Variants in MACF1 observed in about 807,000 individuals in gnomAD.
MACF1 encodes microtubule actin crosslinking factor 1.
Under a neutral mutation model 854.8 loss-of-function variants are expected in MACF1, and 193 were observed. The ratio of observed to expected loss-of-function variants is 0.23; its 90% CI spans 0.20 to 0.25. The LOEUF is 0.25. Among genes scored for constraint, MACF1 ranks in the 10% least tolerant of loss-of-function variants. The pLI is 1.00. For missense variants in MACF1, 7,722 were observed against 8,929.1 expected, an observed-to-expected ratio of 0.86 and a Z score of 5.45; for synonymous variants, 3,185 against 3,226.7, an observed-to-expected ratio of 0.99 and a Z score of 0.44.
Position 39,485,700 on chromosome 1 carries a change from A to G in MACF1, c.22574A>G (p.Asn7525Ser). ...SESSAAGGQG[N>S]SRRGLNKPSK... is the part of the protein sequence containing the mutation. The stretch of plus-strand genomic sequence containing the variant: ...AGCAGCGCTGCAGGGGGCCAAGGCA[A>G]CTCCAGGAGAGGGCTAAACAAACCT... The change falls in exon 101 of 101, where the codon AAC becomes AGC. Residue 7525 changes from asparagine (N) to serine (S), a missense_variant. Transcript: ENST00000564288. 1 of 1,613,900 alleles carries G rather than the reference A, an allele frequency of 6.2e-7. No individual in the cohort carries two copies. The highest frequency in any genetic ancestry group is 1.1e-5 in the South Asian group (1 of 91,066).
In MACF1 at chr1:39,422,832, C is replaced by G; in HGVS notation, c.16081C>G (p.Leu5361Val). Residue 5361 changes from leucine to valine, a missense_variant, in exon 60 of 101, where the codon CTC (leucine) becomes GTC (valine). By Grantham distance (32) the Leu-to-Val change is conservative. Transcript: ENST00000564288. ...LLSWLADTEE[L>V]IANQKPPSAE... ...CAGCTGGTTGGCAGATACCGAGGAG[C>G]TCATAGCCAATCAGAAACCTCCATC... 6.2e-7 allele frequency: 1 copy of G among 1,614,144 alleles called. No homozygotes were observed.
intron 52 of MACF1, among the ~76,000 whole-genome samples, chr1:39,377,305 C>G (rs926624379): frequency 2.0e-5 from 3 of 152,198 alleles, no homozygotes; most frequent in Non-Finnish European, 4.4e-5. Context: ...AGCCACCGCG[C>G]CCGGCCAACT....
At chr1:39,293,101 TATA>T (rs1346345918) in intron 17 of MACF1, among the ~76,000 whole-genome samples, 1 of 152,248 alleles carries the variant, frequency 6.6e-6, no homozygotes, top group Non-Finnish European at 1.5e-5. Context: ...AACGTGTGGC[TATA>T]TGTGCTTTGA....
At chr1:39,125,025 G>A (rs1308090380) in intron 2 of MACF1, among the ~76,000 whole-genome samples, 1 of 152,166 alleles carries the variant, frequency 6.6e-6, no homozygotes, top group Non-Finnish European at 1.5e-5. Flanking sequence ...TAATTTATTT[G>A]TGACCTTGGT....
At position 39,084,561 on chromosome 1, in the gene MACF1, T is replaced by A; in HGVS notation, c.220+123T>A. ...GGCCTCTGACAAAGCAGCCATCATC[T>A]GATTTGTTATTATTATTCTTGGAAA... On this transcript the variant is annotated intron_variant, in intron 2 of 93. Transcript: ENST00000361689. This position sits in a 1 kb window ranked among gnomAD's most constrained non-coding sequence, Gnocchi z 5.2. 1 of 758,896 alleles carries A rather than the reference T, an allele frequency of 1.3e-6. No homozygotes were observed. The highest frequency in any genetic ancestry group is 2.1e-6 in the Non-Finnish European group (1 of 477,206). The allele number at this position is 758,896 out of a possible 1,614,324, so 47.0% of individuals were successfully genotyped here.
chr1:39,328,341 G>C (rs563509827), intron 36 of MACF1: 20 of 152,106 alleles, frequency 1.3e-4, no homozygotes, highest in Non-Finnish European at 2.5e-4. Flanking sequence ...TGCTTGCTGA[G>C]AACATCCGGT....
chr1:39,297,836 C>T (rs1352490007), intron 21 of MACF1, 91 bp downstream of exon 21: 1 of 1,442,236 alleles, frequency 6.9e-7, no homozygotes, highest in Admixed American at 2.0e-5. Context: ...AGCTCCAGGG[C>T]AATGGGCCAT....
intron 2 of MACF1, among the ~76,000 whole-genome samples, chr1:39,134,456 G>A (rs1030659697): frequency 6.6e-6 from 1 of 151,978 alleles, no homozygotes; most frequent in Non-Finnish European, 1.5e-5. Context: ...CTTGCTCCAG[G>A]GGTTTTCAGT....
intron 68 of MACF1, among the ~76,000 whole-genome samples, chr1:39,433,849 G>A (rs1643916635): frequency 6.6e-6 from 1 of 152,188 alleles, no homozygotes; most frequent in Non-Finnish European, 1.5e-5. Flanking sequence ...GGAGGCCAAG[G>A]TGGGCAGATT....
intron 58 of MACF1, among the ~76,000 whole-genome samples, chr1:39,388,904 G>A (rs1641912936): frequency 8.0e-6 from 1 of 125,736 alleles, no homozygotes. Flanking sequence ...TTTGAGACAG[G>A]GTCTCTCTCT....
chr1:39,157,926 T>C (rs555982421), intron 2 of MACF1, among the ~76,000 whole-genome samples: 2 of 152,210 alleles, frequency 1.3e-5, no homozygotes, highest in Non-Finnish European at 2.9e-5. Flanking sequence ...CAGGCTGGAC[T>C]TCTGTCTGTT....
At chr1:39,459,289 T>C (rs749773780) in intron 91 of MACF1, 40 bp downstream of exon 91, 1 of 1,575,352 alleles carries the variant, frequency 6.3e-7, no homozygotes, top group Non-Finnish European at 8.6e-7. Flanking sequence ...AACAAAGTGC[T>C]TTTTTCAATC....
Position 39,315,621 on chromosome 1 carries a change from C to A in MACF1, c.3379C>A (p.Arg1127Ser), listed in dbSNP as rs62623398. 1 of 1,613,992 alleles carries A rather than the reference C, an allele frequency of 6.2e-7. No individual in the cohort carries two copies. Among genetic ancestry groups the A allele is most frequent in the Non-Finnish European group, 8.5e-7 (1 of 1,180,000 alleles). ...SPSSSSVPTL[R>S]SELNLLVEKM... ...ATCTAGTTCAAGTGTCCCAACTCTG[C>A]GCTCAGAACTGAATCTGCTGGTGGA... Residue 1127 changes from arginine to serine, a missense_variant, in exon 27 of 101, where the codon CGC becomes AGC. Physicochemically the swap from Arg to Ser is moderately radical, Grantham distance 110. Coordinates refer to ENST00000564288, the MANE Select transcript of MACF1 (RefSeq NM_001394062.1).
intron 2 of MACF1, among the ~76,000 whole-genome samples, chr1:39,186,171 T>TCC: frequency 1.7e-4 from 1 of 6,060 alleles, no homozygotes; most frequent in Non-Finnish European, 1.1e-3. Flanking sequence ...ATTCTGAACA[T>TCC]CTCTCTCTCT....
chr1:39,369,956 GAA>G, intron 50 of MACF1, 72 bp from the exon 51 acceptor site: 1 of 1,374,616 alleles, frequency 7.3e-7, no homozygotes, highest in Non-Finnish European at 1.0e-6. Flanking sequence ...TGGAGTCACA[GAA>G]TGAACTACTC....
chr1:39,304,323 C>T (rs1187270109), intron 23 of MACF1: 8 of 713,096 alleles, frequency 1.1e-5, no homozygotes, highest in Non-Finnish European at 1.0e-5. Flanking sequence ...AGAATGTCAC[C>T]GTCTCTAAAT....
chr1:39,214,791 C>T (rs1315185739), intron 1 of MACF1, among the ~76,000 whole-genome samples: 1 of 152,150 alleles, frequency 6.6e-6, no homozygotes, highest in Non-Finnish European at 1.5e-5. Context: ...ATTATAGTCT[C>T]TCCCATCATG....
chr1:39,462,545 C>G (rs1383874759), intron 93 of MACF1, among the ~76,000 whole-genome samples: 5 of 35,696 alleles, frequency 1.4e-4, no homozygotes, highest in Non-Finnish European at 1.9e-4. Flanking sequence ...TCTGTCCCCC[C>G]CGCCAAAAAA....
At position 39,336,265 on chromosome 1, in the gene MACF1, A is replaced by T. The variant is rs369041499; in HGVS notation, c.9677A>T (p.Lys3226Ile). Residue 3226 changes from lysine to isoleucine, a missense_variant, in exon 37 of 101, where the codon AAA becomes ATA. Around this residue, in one of 15 missense-constraint regions of MACF1, gnomAD observed 854 missense variants for 852.6 expected, o/e 1.00. Coordinates refer to ENST00000564288, the MANE Select transcript of MACF1 (RefSeq NM_001394062.1). ...GATGATAAACTTTGTGGAACTCTCA[A>T]ATCTGAAATAGCAACACAGGAACTA... ...KSDDKLCGTL[K>I]SEIATQELTG... The T allele has an allele frequency of 1.2e-6, 2 of 1,614,124 alleles. No individual in the cohort carries two copies. Among genetic ancestry groups the T allele is most frequent in the Non-Finnish European group, 1.7e-6 (2 of 1,179,992 alleles).
Sources: allele counts gnomAD v4.1 joint callset (sites outside exome capture counted in the v4.1 genomes callset), GRCh38; gene constraint gnomAD v4.1.1; regional missense constraint gnomAD v4.1.1; non-coding constraint Gnocchi (gnomAD v3.1); transcripts MANE v1.5; gene names NCBI Gene and HGNC (gene_info 2026-07-23, HGNC 2026-07-21).